Variants in DCBLD1 observed in about 807,000 individuals in gnomAD.
DCBLD1 encodes the protein discoidin, CUB and LCCL domain containing 1.
Under a neutral mutation model 71.5 loss-of-function variants are expected in DCBLD1, and 57 were observed. That is an observed-to-expected ratio of 0.80 (90% CI 0.64 to 0.99). The LOEUF (loss-of-function observed/expected upper bound fraction) is 0.99, where lower values mean the gene tolerates loss of function less well. Among genes scored for constraint, DCBLD1 ranks in the 50% least tolerant of loss-of-function variants. The pLI is 0.00. For missense variants in DCBLD1, 891 were observed against 923.5 expected (o/e 0.96, Z 0.46); for synonymous variants, 380 against 363.8 (o/e 1.04, Z -0.51).
intron 2 of DCBLD1, among the ~76,000 whole-genome samples, chr6:117,505,665 A>T (rs929510370): frequency 3.3e-5 from 5 of 152,184 alleles, no homozygotes; most frequent in African/African-American, 4.8e-5. Flanking sequence ...ATATTCATAA[A>T]TATACACAAA....
At chr6:117,483,950 G>A (rs1046020136) in intron 1 of DCBLD1, among the ~76,000 whole-genome samples, 1 of 151,962 alleles carries the variant, frequency 6.6e-6, no homozygotes, top group Non-Finnish European at 1.5e-5. Flanking sequence ...TGGTGGTGGT[G>A]GTTCCTAAGT....
At chr6:117,563,281 G>A (rs1779623775) in intron 14 of DCBLD1, 4 of 1,612,930 alleles carry the variant, frequency 2.5e-6, no homozygotes, top group East Asian at 4.5e-5. Flanking sequence ...GATACAGAGT[G>A]TGCAGATCAT....
Position 117,549,051 on chromosome 6 carries a change from G to A in DCBLD1, c.*612G>A. On this transcript the variant is annotated 3_prime_UTR_variant, in exon 15 of 15. Coordinates refer to ENST00000338728, the MANE Select transcript of DCBLD1 (RefSeq NM_001366458.2). The stretch of plus-strand genomic sequence containing the variant: ...GCACACCAGGGTGGTTGTTTATTTA[G>A]CAATTATGACTGTAGATTTAAAAAC... The A allele has an allele frequency of 2.0e-6, 2 of 986,198 alleles. No homozygotes were observed. The highest frequency in any genetic ancestry group is 2.4e-6 in the Non-Finnish European group (2 of 830,568). The allele number at this position is 986,198 out of a possible 1,614,324, so 61.1% of individuals were successfully genotyped here. A position where few individuals can be genotyped will look rare whatever the true frequency, so the allele number is the denominator to read the frequency against.
At chr6:117,490,140 A>G (rs1474548573) in intron 1 of DCBLD1, among the ~76,000 whole-genome samples, 1 of 151,682 alleles carries the variant, frequency 6.6e-6, no homozygotes, top group Non-Finnish European at 1.5e-5. Context: ...TAGCAAATAC[A>G]TGTGTGTACA....
chr6:117,567,464 C>A (rs1007327679), intron 14 of DCBLD1, among the ~76,000 whole-genome samples: 2 of 152,004 alleles, frequency 1.3e-5, no homozygotes, highest in Non-Finnish European at 2.9e-5. Context: ...ATTCAAGAAA[C>A]CCCTAGAAAA....
chr6:117,548,708 T>C lies in DCBLD1; in HGVS notation c.*269T>C. 7.3e-7 allele frequency: 1 copy of C among 1,379,188 alleles called. No homozygotes were observed. Among genetic ancestry groups the C allele is most frequent in the Non-Finnish European group, 9.4e-7 (1 of 1,068,800 alleles). The allele number at this position is 1,379,188 out of a possible 1,614,324, so 85.4% of individuals were successfully genotyped here. ...TTTTCAGATGGCGTTTTCATTCCTC[T>C]GACTGATATTGAGCTGCTTTGGTGT... On this transcript the variant is annotated 3_prime_UTR_variant, in exon 15 of 15. Coordinates refer to ENST00000338728, the MANE Select transcript of DCBLD1 (RefSeq NM_001366458.2).
chr6:117,486,299 TATACCCCATAGTG>T (rs1777083346), intron 1 of DCBLD1, among the ~76,000 whole-genome samples: 2 of 152,228 alleles, frequency 1.3e-5, no homozygotes, highest in Non-Finnish European at 1.5e-5. Context: ...TTCTGGGAAA[TATACCCCATAGTG>T]TTTACACCTA....
chr6:117,552,580 A>G (rs140331528), downstream of DCBLD1, among the ~76,000 whole-genome samples: 37 of 152,004 alleles, frequency 2.4e-4, no homozygotes, highest in East Asian at 6.2e-3. Flanking sequence ...GACACCTAAT[A>G]TCTTCCAGGC....
intron 1 of DCBLD1, among the ~76,000 whole-genome samples, chr6:117,487,989 G>A (rs984522020): frequency 6.6e-6 from 1 of 152,192 alleles, no homozygotes; most frequent in Non-Finnish European, 1.5e-5. Flanking sequence ...CTTCTTACCC[G>A]ATGTGGAAAT....
chr6:117,548,235 G>T lies in DCBLD1; in HGVS notation c.1944G>T (p.Gln648His). 6.4e-7 allele frequency: 1 copy of T among 1,550,602 alleles called. No homozygotes were observed. Among genetic ancestry groups the T allele is most frequent in the Non-Finnish European group, 8.7e-7 (1 of 1,146,994 alleles). ...GFSPVAGVGA[Q>H]DGDYQRPHSA... ...CCCCCGTAGCGGGTGTGGGCGCCCA[G>T]GACGGAGACTATCAAAGGCCACACA... Residue 648 changes from glutamine to histidine, a missense_variant, in exon 15 of 15, where the codon CAG becomes CAT. Physicochemically the swap from Gln to His is conservative, Grantham distance 24. Transcript: ENST00000338728.
chr6:117,534,055 C>T (rs1385565853), intron 6 of DCBLD1, among the ~76,000 whole-genome samples: 1 of 152,228 alleles, frequency 6.6e-6, no homozygotes, highest in Non-Finnish European at 1.5e-5. Context: ...TGTTCTCTGC[C>T]TACCATAACC....
rs557673099 is a variant in DCBLD1 at position 117,543,530 on chromosome 6, GC to G, written c.1445+322del. Among the ~76,000 whole-genome samples the G allele has an allele frequency of 2.0e-4, 30 of 152,170 alleles. No homozygotes were observed. The East Asian group carries it at 5.6e-3, about 28-fold the overall frequency. On this transcript the variant is annotated intron_variant, in intron 12 of 14. Transcript: ENST00000338728. Reference sequence around the variant, plus strand: ...TAGGATTACAAGCATGTGCCACCATGCCCAGCTAATTTTTTTATGTTTTGTA... The same window carrying G: ...TAGGATTACAAGCATGTGCCACCATGCCAGCTAATTTTTTTATGTTTTGTA...
chr6:117,493,671 G>C (rs1777374377), intron 1 of DCBLD1, among the ~76,000 whole-genome samples: 1 of 152,156 alleles, frequency 6.6e-6, no homozygotes, highest in African/African-American at 2.4e-5. Flanking sequence ...TCTAAGATGG[G>C]TGACTTAGGC....
intron 13 of DCBLD1, among the ~76,000 whole-genome samples, 181 bp from the exon 14 acceptor site, chr6:117,545,297 T>C (rs1279636730): frequency 6.6e-6 from 1 of 152,030 alleles, no homozygotes; most frequent in Non-Finnish European, 1.5e-5. Context: ...GTTAGAGTAG[T>C]GTTTGCTGTT....
chr6:117,488,534 A>G (rs1013314274), intron 1 of DCBLD1, among the ~76,000 whole-genome samples: 2 of 152,142 alleles, frequency 1.3e-5, no homozygotes, highest in South Asian at 4.1e-4. Flanking sequence ...AATCCCAGCT[A>G]CTAGGGAAGC....
chr6:117,506,205 A>T (rs1777838264), intron 2 of DCBLD1, among the ~76,000 whole-genome samples: 1 of 152,076 alleles, frequency 6.6e-6, no homozygotes, highest in South Asian at 2.1e-4. Context: ...GCCTTTCCAC[A>T]GGTGGGGAAA....
At chr6:117,569,818 T>C in exon 15 of DCBLD1, 2 of 1,372,744 alleles carry the variant, frequency 1.5e-6, no homozygotes, top group Non-Finnish European at 1.9e-6. Flanking sequence ...AATATTTTCT[T>C]AAAAATATAT....
In DCBLD1 at chr6:117,549,745, A is replaced by C; in HGVS notation, c.*1306A>C. 1 of 985,408 alleles carries C rather than the reference A, an allele frequency of 1.0e-6. No individual in the cohort carries two copies. Among genetic ancestry groups the C allele is most frequent in the Non-Finnish European group, 1.2e-6 (1 of 829,950 alleles). 61.0% of individuals were successfully genotyped at this position (985,408 alleles called of 1,614,324 possible). A position where few individuals can be genotyped will look rare whatever the true frequency, so the allele number is the denominator to read the frequency against. ...GGAGGGGAAATGGTTTACTTTGTAG[A>C]GTTTACATGGTTTTATGCGCACACT... On this transcript the variant is annotated 3_prime_UTR_variant, in exon 15 of 15. Transcript: ENST00000338728.
chr6:117,509,699 C>T (rs899763175), intron 2 of DCBLD1, among the ~76,000 whole-genome samples: 2 of 152,072 alleles, frequency 1.3e-5, no homozygotes, highest in African/African-American at 4.8e-5. Context: ...TTGTTCCCCT[C>T]GTAATACCCT....
Sources: gnomAD v4.1 joint callset for allele counts (sites outside exome capture counted in the v4.1 genomes callset) on GRCh38, gnomAD v4.1.1 for gene constraint, MANE v1.5 for transcripts, NCBI Gene and HGNC (gene_info 2026-07-23, HGNC 2026-07-21) for gene names.